Variants in KIF14 observed in about 807,000 individuals in gnomAD.
KIF14 encodes the protein kinesin family member 14, also known as kinesin-like protein KIF14.
KIF14 carries 98 observed loss-of-function variants against 176.2 expected under a neutral mutation model. The ratio of observed to expected loss-of-function variants is 0.56; its 90% CI spans 0.47 to 0.66. The LOEUF (loss-of-function observed/expected upper bound fraction) is 0.66. KIF14 is among the 30% of genes least tolerant of loss of function. The pLI, the probability that KIF14 is intolerant of heterozygous loss-of-function variation, is 0.00. For synonymous variants in KIF14, 566 were observed against 632.2 expected (o/e 0.90, Z 1.57); for missense variants, 1,751 against 1,920.4 (o/e 0.91, Z 1.65).
rs1338025684 is a variant in KIF14 at position 200,614,367 on chromosome 1, C to G, written c.1406G>C (p.Arg469Thr). ...TTGAGAAAAAAGATCTTCACAAAAT[C>G]TTGGAATTATTCCTGGTTCTTCACT... ...GFSEEPGIIPRFCEDLFSQVA... is the reference protein window; with the variant it reads ...GFSEEPGIIPTFCEDLFSQVA... Residue 469 changes from arginine to threonine, a missense_variant, in exon 4 of 30, where the codon AGA (arginine) becomes ACA (threonine). By Grantham distance (71) the Arg-to-Thr change is moderately conservative (BLOSUM62 -1). Coordinates refer to ENST00000367350, the MANE Select transcript of KIF14 (RefSeq NM_014875.3). 1 of 1,609,406 alleles carries G rather than the reference C, an allele frequency of 6.2e-7. No individual in the cohort carries two copies. Among genetic ancestry groups the G allele is most frequent in the South Asian group, 1.1e-5 (1 of 90,812 alleles).
At chr1:200,567,738 G>T (rs936661571) in intron 23 of KIF14, among the ~76,000 whole-genome samples, 2 of 151,704 alleles carry the variant, frequency 1.3e-5, no homozygotes, top group Non-Finnish European at 2.9e-5. Context: ...AAGTTTTCTG[G>T]TCTACTTCAT....
chr1:200,608,866 C>A lies in KIF14; in HGVS notation c.1518G>T (p.Leu506=), dbSNP rs909607429. The A allele has an allele frequency of 1.2e-6, 2 of 1,610,166 alleles. No individual in the cohort carries two copies. Among genetic ancestry groups the A allele is most frequent in the African/African-American group, 1.3e-5 (1 of 74,900 alleles). Residue 506 remains leucine, a synonymous_variant, in exon 5 of 30, where the codon CTG becomes CTT. Transcript: ENST00000367350. ...EVYNEKIHDL[L]VCKDENGQRK... ...TCTGCCCATTTTCATCTTTACAAAC[C>A]AGAAGGTCGTGAATTTTTTCATTAT... is the stretch of plus-strand genomic sequence containing the variant.
intron 18 of KIF14, 57 bp downstream of exon 18, chr1:200,589,158 GAA>G (rs75692846): frequency 4.4e-6 from 6 of 1,350,858 alleles, no homozygotes; most frequent in Non-Finnish European, 5.0e-6. Context: ...CCACTTCTTT[GAA>G]AAAAAAAATC....
rs868471692 is a variant in KIF14, at chr1:200,596,243, G to A, written c.2549+1994C>T. 5.9e-5 allele frequency among the ~76,000 whole-genome samples: 9 copies of A among 152,140 alleles called. No individual in the cohort carries two copies. In the Middle Eastern group the frequency reaches 0.014, roughly 230 times the overall value. ...AGCCTGGGCAACAGAGCAAAACTCT[G>A]AAATCAAAAAATAAATAAATAAAGA... is the stretch of plus-strand genomic sequence containing the variant. On this transcript the variant is annotated intron_variant, in intron 14 of 29. Coordinates refer to ENST00000367350, the MANE Select transcript of KIF14 (RefSeq NM_014875.3).
chr1:200,613,070 T>C (rs1459649347), intron 4 of KIF14, among the ~76,000 whole-genome samples: 1 of 151,984 alleles, frequency 6.6e-6, no homozygotes, highest in East Asian at 1.9e-4. Context: ...GTATTTTTAG[T>C]AGAGACAGGA....
chr1:200,585,474 C>A (rs541213823), intron 19 of KIF14, among the ~76,000 whole-genome samples: 48 of 152,112 alleles, frequency 3.2e-4, no homozygotes, highest in Middle Eastern at 3.4e-3. Flanking sequence ...AGATATAAAA[C>A]AAAGATTAAG....
chr1:200,593,613 A>C, intron 15 of KIF14, 54 bp downstream of exon 15: 1 of 1,127,564 alleles, frequency 8.9e-7, no homozygotes, highest in Non-Finnish European at 1.3e-6. Context: ...AAAGAAATTA[A>C]ATGACTTATC....
At chr1:200,569,308 T>A (rs1657650749) in intron 23 of KIF14, among the ~76,000 whole-genome samples, 1 of 150,596 alleles carries the variant, frequency 6.6e-6, no homozygotes. Context: ...TCCTACATTT[T>A]AAAATAACAT....
At chr1:200,587,477 G>GAAAAAA (rs1558068684) in intron 18 of KIF14, among the ~76,000 whole-genome samples, 2 of 151,172 alleles carry the variant, frequency 1.3e-5, no homozygotes. Flanking sequence ...AAAGATACAA[G>GAAAAAA]AAATCTAGTT....
intron 22 of KIF14, among the ~76,000 whole-genome samples, chr1:200,572,982 C>T (rs1206274015): frequency 1.3e-5 from 2 of 152,158 alleles, no homozygotes; most frequent in Non-Finnish European, 1.5e-5. Flanking sequence ...GAAATCATAG[C>T]TTCTCTGTAT....
rs142883150 is a variant in KIF14 at position 200,600,168 on chromosome 1, G to C, written c.2301-55C>G. 4.4e-5 allele frequency: 58 copies of C among 1,323,838 alleles called. No individual in the cohort carries two copies. The African/African-American group carries it at 7.2e-4, about 16-fold the overall frequency. The allele number at this position is 1,323,838 out of a possible 1,614,324, so 82.0% of individuals were successfully genotyped here. A position where few individuals can be genotyped will look rare whatever the true frequency, so the allele number is the denominator to read the frequency against. ...TAAAAACATCCAGATGTATAAGATT[G>C]AGAGTCAAGAGACAATCAATGAAAA... On this transcript the variant is annotated intron_variant, in intron 12 of 29. Transcript: ENST00000367350.
chr1:200,552,462 A>C lies in KIF14; in HGVS notation c.*926T>G, dbSNP rs960782728. ...GAGAAGGTCCAGCCTCTGATCTCCT[A>C]ATCTCATCCAACAGTTTAGTATAAT... On this transcript the variant is annotated 3_prime_UTR_variant, in exon 30 of 30. Transcript: ENST00000367350. 6.6e-6 allele frequency: 1 copy of C among 152,168 alleles called. No homozygotes were observed. The highest frequency in any genetic ancestry group is 1.5e-5 in the Non-Finnish European group (1 of 68,018). The allele number at this position is 152,168 out of a possible 1,614,324, so 9.4% of individuals were successfully genotyped here.
At position 200,552,716 on chromosome 1, in the gene KIF14, C is replaced by T. The variant is rs1423721888; in HGVS notation, c.*672G>A. The T allele has an allele frequency of 2.0e-5, 3 of 151,956 alleles. No homozygotes were observed. Among genetic ancestry groups the T allele is most frequent in the Admixed American group, 6.6e-5 (1 of 15,236 alleles). 9.4% of individuals were successfully genotyped at this position (151,956 alleles called of 1,614,324 possible). ...AGAAAAGAATTTTTGATTAACAATG[C>T]AAGTTAAGTTGTCTTAGTTAAACTT... On this transcript the variant is annotated 3_prime_UTR_variant, in exon 30 of 30. Coordinates refer to ENST00000367350, the MANE Select transcript of KIF14 (RefSeq NM_014875.3).
chr1:200,556,133 A>T (rs561448650), intron 27 of KIF14, among the ~76,000 whole-genome samples: 40 of 152,312 alleles, frequency 2.6e-4, no homozygotes, highest in African/African-American at 8.9e-4. Context: ...TAAGACTGAG[A>T]ACTAGAGTGG....
chr1:200,587,232 G>A (rs1210598981), intron 18 of KIF14, among the ~76,000 whole-genome samples: 1 of 151,760 alleles, frequency 6.6e-6, no homozygotes, highest in Non-Finnish European at 1.5e-5. Context: ...CTACCTATTG[G>A]GTACAATGTA....
intron 25 of KIF14, among the ~76,000 whole-genome samples, chr1:200,563,014 A>G (rs1163387619): frequency 6.6e-6 from 1 of 152,200 alleles, no homozygotes; most frequent in East Asian, 1.9e-4. Flanking sequence ...TAACGGGTGA[A>G]GTTTAGGGTT....
chr1:200,611,638 G>A (rs148625541), intron 4 of KIF14, among the ~76,000 whole-genome samples: 26 of 152,236 alleles, frequency 1.7e-4, no homozygotes, highest in African/African-American at 6.3e-4. Flanking sequence ...GGTAGCTGGG[G>A]CCACACTGGA....
rs1474398593 is a variant in KIF14, at chr1:200,617,609, T to C, written c.1112+3A>G. The C allele has an allele frequency of 2.5e-6, 4 of 1,592,148 alleles. No homozygotes were observed. The African/African-American group carries it at 4.1e-5, about 16-fold the overall frequency. On this transcript the variant is annotated splice_donor_region_variant and intron_variant, in intron 2 of 29. Coordinates refer to ENST00000367350, the MANE Select transcript of KIF14 (RefSeq NM_014875.3). The stretch of plus-strand genomic sequence containing the variant: ...GCTTTAGATTTTAAAAGGCATCACA[T>C]ACCTCTTGGTGAAAGGTCTTACGCG...
In KIF14 at chr1:200,590,218, T is replaced by C. The variant is rs1658983310; in HGVS notation, c.2868A>G (p.Gln956=). The C allele has an allele frequency of 1.2e-6, 2 of 1,613,850 alleles. No individual in the cohort carries two copies. The highest frequency in any genetic ancestry group is 2.2e-5 in the South Asian group (2 of 91,078). Residue 956 remains glutamine, a synonymous_variant, in exon 17 of 30, where the codon CAA becomes CAG. Transcript: ENST00000367350. ...AQLKAKEEMM[Q]GIQIAKEMAQ... ...CCATTTCTTTTGCAATCTGGATTCCTTGCATCATTTCTTCCTTTGCCTTCA... is the reference window on the plus strand; with the variant it reads ...CCATTTCTTTTGCAATCTGGATTCCCTGCATCATTTCTTCCTTTGCCTTCA...
Sources: gnomAD v4.1 joint callset for allele counts (sites outside exome capture counted in the v4.1 genomes callset) on GRCh38, gnomAD v4.1.1 for gene constraint, MANE v1.5 for transcripts, NCBI Gene and HGNC (gene_info 2026-07-23, HGNC 2026-07-21) for gene names.